The following TSPAN5 variants were observed in gnomAD, a reference collection of about 807,000 sequenced individuals.
TSPAN5 encodes the protein tetraspanin-5.
TSPAN5 carries 10 observed loss-of-function variants against 37.1 expected under a neutral mutation model. That is an observed-to-expected ratio of 0.27 (90% CI 0.17 to 0.46). The LOEUF (loss-of-function observed/expected upper bound fraction) is 0.46. Among genes scored for constraint, TSPAN5 ranks in the 20% least tolerant of loss-of-function variants. The pLI is 1.00. For missense variants in TSPAN5, 195 were observed against 326.6 expected (o/e 0.60, Z 3.11); for synonymous variants, 110 against 118.9 (o/e 0.93, Z 0.48).
chr4:98,507,628 TGC>T, intron 2 of TSPAN5, 48 bp downstream of exon 2: 1 of 1,399,866 alleles, frequency 7.1e-7, no homozygotes, highest in South Asian at 1.2e-5. Flanking sequence ...TAATATGATG[TGC>T]AGCCTCTAAC....
At chr4:98,536,223 G>A (rs1754230092) in intron 1 of TSPAN5, among the ~76,000 whole-genome samples, 1 of 152,106 alleles carries the variant, frequency 6.6e-6, no homozygotes, top group Non-Finnish European at 1.5e-5. Flanking sequence ...TTAAGCAGAT[G>A]TGCTATTCCT....
chr4:98,542,946 T>C (rs921139410), intron 1 of TSPAN5, among the ~76,000 whole-genome samples: 13 of 152,114 alleles, frequency 8.5e-5, no homozygotes, highest in East Asian at 3.8e-4. Context: ...AGGAAGATAC[T>C]TCAGTCAGAG....
At position 98,622,664 on chromosome 4, in the gene TSPAN5, T is replaced by C. The variant is rs187682271; in HGVS notation, c.81+35482A>G. 1.7e-3 allele frequency among the ~76,000 whole-genome samples: 259 copies of C among 152,302 alleles called. 1 individual carries two copies. In the Middle Eastern group the frequency reaches 0.034, roughly 20 times the overall value. On this transcript the variant is annotated intron_variant, in intron 1 of 7. Coordinates refer to ENST00000305798, the MANE Select transcript of TSPAN5 (RefSeq NM_005723.4). Reference sequence around the variant, plus strand: ...GAACCGATGGGTCTGACATGACTTTTAAAACATTCAAGAGGACATGTCAGG... The same window carrying C: ...GAACCGATGGGTCTGACATGACTTTCAAAACATTCAAGAGGACATGTCAGG...
At chr4:98,566,483 C>G (rs1025435805) in intron 1 of TSPAN5, among the ~76,000 whole-genome samples, 1 of 152,112 alleles carries the variant, frequency 6.6e-6, no homozygotes, top group African/African-American at 2.4e-5. Context: ...GAGAATAATA[C>G]CAAAGGCTAG....
chr4:98,630,839 A>C (rs895100063), intron 1 of TSPAN5, among the ~76,000 whole-genome samples: 1 of 152,234 alleles, frequency 6.6e-6, no homozygotes, highest in Admixed American at 6.5e-5. Context: ...TAAAGATGTG[A>C]GGATAACTTG....
At chr4:98,515,739 ATTTCAG>A (rs1326645353) in intron 1 of TSPAN5, among the ~76,000 whole-genome samples, 4 of 127,862 alleles carry the variant, frequency 3.1e-5, no homozygotes, top group Non-Finnish European at 6.4e-5. Flanking sequence ...TCTCTCCTCA[ATTTCAG>A]CTTGAGGGTC....
At chr4:98,537,924 A>G (rs1194539607) in intron 1 of TSPAN5, among the ~76,000 whole-genome samples, 2 of 152,214 alleles carry the variant, frequency 1.3e-5, no homozygotes, top group Non-Finnish European at 2.9e-5. Context: ...ACCTTCTTCC[A>G]TGCTGAGCTA....
chr4:98,599,350 CTAAAG>C (rs1755829941), intron 1 of TSPAN5, among the ~76,000 whole-genome samples: 1 of 151,926 alleles, frequency 6.6e-6, no homozygotes, highest in African/African-American at 2.4e-5. Context: ...AAAGTCAAAT[CTAAAG>C]AAACAAGGTC....
intron 1 of TSPAN5, among the ~76,000 whole-genome samples, chr4:98,554,697 C>T (rs1038930576): frequency 1.3e-5 from 2 of 152,126 alleles, no homozygotes; most frequent in African/African-American, 4.8e-5. Flanking sequence ...CTAAAATATT[C>T]CATTACCACA....
At chr4:98,526,203 C>T (rs1171871805) in intron 1 of TSPAN5, among the ~76,000 whole-genome samples, 1 of 152,092 alleles carries the variant, frequency 6.6e-6, no homozygotes, top group African/African-American at 2.4e-5. Context: ...CCTCTGAGGC[C>T]CAACAAAGTC....
chr4:98,523,633 G>A (rs1229169780), intron 1 of TSPAN5, among the ~76,000 whole-genome samples: 2 of 152,194 alleles, frequency 1.3e-5, no homozygotes, highest in South Asian at 2.1e-4. Flanking sequence ...ACAAGGTTTC[G>A]CCATGTTGGC....
chr4:98,538,174 G>A (rs1754278514), intron 1 of TSPAN5, among the ~76,000 whole-genome samples: 1 of 152,250 alleles, frequency 6.6e-6, no homozygotes, highest in African/African-American at 2.4e-5. Flanking sequence ...TTTGTACAGG[G>A]CTCTAGAGGT....
intron 1 of TSPAN5, among the ~76,000 whole-genome samples, chr4:98,550,376 T>G (rs1283068561): frequency 6.6e-6 from 1 of 152,192 alleles, no homozygotes; most frequent in Admixed American, 6.5e-5. Context: ...GCTTTTTTGG[T>G]TCCATATGAA....
intron 2 of TSPAN5, among the ~76,000 whole-genome samples, chr4:98,497,236 G>T (rs563027869): frequency 2.7e-5 from 4 of 150,110 alleles, no homozygotes; most frequent in Admixed American, 6.7e-5. Context: ...AGAACTGCTT[G>T]AATCCAGGAG....
chr4:98,491,704 G>A (rs531054376), intron 2 of TSPAN5, among the ~76,000 whole-genome samples: 69 of 150,312 alleles, frequency 4.6e-4, no homozygotes, highest in Non-Finnish European at 9.0e-4. Flanking sequence ...AAAAAAAGGT[G>A]GGGGGGAACA....
intron 1 of TSPAN5, among the ~76,000 whole-genome samples, chr4:98,554,540 C>T (rs1326361961): frequency 1.3e-5 from 2 of 152,184 alleles, no homozygotes; most frequent in Non-Finnish European, 2.9e-5. Context: ...CATTAAAATT[C>T]ACTGTGGAAT....
chr4:98,479,798 A>C (rs1752795180), intron 4 of TSPAN5, among the ~76,000 whole-genome samples: 1 of 152,170 alleles, frequency 6.6e-6, no homozygotes, highest in Non-Finnish European at 1.5e-5. Context: ...TTGTGGAAAG[A>C]CTGTGTTTCT....
chr4:98,569,711 T>C (rs537826458), intron 1 of TSPAN5, among the ~76,000 whole-genome samples: 2 of 152,302 alleles, frequency 1.3e-5, no homozygotes, highest in African/African-American at 2.4e-5. Context: ...GCCCCCACCT[T>C]GGCAAGACAG....
chr4:98,521,269 T>G (rs1753849494), intron 1 of TSPAN5, among the ~76,000 whole-genome samples: 1 of 152,164 alleles, frequency 6.6e-6, no homozygotes, highest in African/African-American at 2.4e-5. Flanking sequence ...TACTATCTTT[T>G]CAAGAAAATT....
Sources: gnomAD v4.1 joint callset for allele counts (sites outside exome capture counted in the v4.1 genomes callset) on GRCh38, gnomAD v4.1.1 for gene constraint, MANE v1.5 for transcripts, NCBI Gene and HGNC (gene_info 2026-07-23, HGNC 2026-07-21) for gene names.